The following HEMK2 variants were observed in gnomAD, a reference collection of about 807,000 sequenced individuals.
The protein encoded by HEMK2 is HemK methyltransferase 2, ETF1 glutamine and histone H4 lysine.
At chr21:28,702,532 C>T in the HEMK2 span, among the ~76,000 whole-genome samples, 1 of 152,076 alleles carries the variant, frequency 6.6e-6, no homozygotes, top group Admixed American at 6.6e-5. Flanking sequence ...TGAAGACACA[C>T]ACGCAGCCAA....
At chr21:28,737,601 A>G in the HEMK2 span, among the ~76,000 whole-genome samples, 7 of 152,164 alleles carry the variant, frequency 4.6e-5, no homozygotes, top group Non-Finnish European at 5.9e-5. Flanking sequence ...TTAAAAAAAA[A>G]AAGAAGAAGA....
At chr21:28,789,300 T>A in the HEMK2 span, among the ~76,000 whole-genome samples, 5 of 152,148 alleles carry the variant, frequency 3.3e-5, no homozygotes, top group Non-Finnish European at 7.4e-5. Flanking sequence ...GATGTAAGAT[T>A]GGCTGTGAGG....
At chr21:28,782,828 G>T in the HEMK2 span, among the ~76,000 whole-genome samples, 1 of 152,062 alleles carries the variant, frequency 6.6e-6, no homozygotes, top group African/African-American at 2.4e-5. Context: ...TTAGTGATTT[G>T]TATAGTATTT....
At chr21:28,747,079 G>A in the HEMK2 span, among the ~76,000 whole-genome samples, 1 of 152,230 alleles carries the variant, frequency 6.6e-6, no homozygotes, top group Non-Finnish European at 1.5e-5. Context: ...AATGGAAATG[G>A]ACAGATCTAG....
the HEMK2 span, among the ~76,000 whole-genome samples, chr21:28,597,496 T>C: frequency 6.6e-6 from 1 of 152,252 alleles, no homozygotes; most frequent in African/African-American, 2.4e-5. Flanking sequence ...ATTCTTTTTC[T>C]GGTAGTTTTG....
the HEMK2 span, among the ~76,000 whole-genome samples, chr21:28,852,515 C>T: frequency 8.0e-4 from 122 of 152,276 alleles, no homozygotes; most frequent in African/African-American, 2.7e-3. Flanking sequence ...CCTGAAATGT[C>T]TGATCATTTC....
At chr21:28,689,853 G>A in the HEMK2 span, among the ~76,000 whole-genome samples, 5 of 152,138 alleles carry the variant, frequency 3.3e-5, no homozygotes, top group Non-Finnish European at 5.9e-5. Flanking sequence ...AAGGGACTCC[G>A]TTTACTGCTG....
chr21:28,880,967 AC>A, the HEMK2 span, among the ~76,000 whole-genome samples: 1 of 147,564 alleles, frequency 6.8e-6, no homozygotes, highest in East Asian at 2.0e-4. Context: ...AAAGCTACCT[AC>A]CCTCGTCATT....
chr21:28,755,241 A>G, the HEMK2 span, among the ~76,000 whole-genome samples: 1 of 152,202 alleles, frequency 6.6e-6, no homozygotes, highest in Non-Finnish European at 1.5e-5. Context: ...GAAGGGTATC[A>G]TTTCTGTGAA....
the HEMK2 span, among the ~76,000 whole-genome samples, chr21:28,870,016 C>T: frequency 6.6e-6 from 1 of 152,210 alleles, no homozygotes; most frequent in Non-Finnish European, 1.5e-5. Context: ...CTTACCTCCT[C>T]TCATCCAACC....
At chr21:28,594,744 G>A in the HEMK2 span, among the ~76,000 whole-genome samples, 3 of 152,134 alleles carry the variant, frequency 2.0e-5, no homozygotes, top group African/African-American at 7.2e-5. Context: ...ACAGCACTTA[G>A]TTGTTTTTGT....
At chr21:28,660,304 TA>T in the HEMK2 span, among the ~76,000 whole-genome samples, 12 of 151,834 alleles carry the variant, frequency 7.9e-5, no homozygotes, top group African/African-American at 2.9e-4. Flanking sequence ...CTGGAAATGA[TA>T]AAAAAACTTC....
chr21:28,754,473 TTC>T, the HEMK2 span, among the ~76,000 whole-genome samples: 4 of 152,206 alleles, frequency 2.6e-5, no homozygotes, highest in Non-Finnish European at 4.4e-5. Context: ...CCTAAAAATA[TTC>T]TGTTTTATCA....
chr21:28,771,135 G>T, the HEMK2 span, among the ~76,000 whole-genome samples: 1 of 152,136 alleles, frequency 6.6e-6, no homozygotes, highest in Non-Finnish European at 1.5e-5. Context: ...CATTTTATAG[G>T]CAAGGATATT....
the HEMK2 span, among the ~76,000 whole-genome samples, chr21:28,831,378 A>G: frequency 6.7e-6 from 1 of 149,712 alleles, no homozygotes; most frequent in African/African-American, 2.5e-5. Flanking sequence ...CCTGGGAGGC[A>G]GAGTTGCAGG....
the HEMK2 span, among the ~76,000 whole-genome samples, chr21:28,612,488 A>T: frequency 1.3e-5 from 2 of 152,180 alleles, no homozygotes; most frequent in Non-Finnish European, 2.9e-5. Flanking sequence ...ACTGAATGGG[A>T]AAAAGTTGAA....
At chr21:28,869,492 T>A in the HEMK2 span, among the ~76,000 whole-genome samples, 1 of 152,226 alleles carries the variant, frequency 6.6e-6, no homozygotes, top group African/African-American at 2.4e-5. Flanking sequence ...GGGAAAGAAT[T>A]ATAAGAACCA....
the HEMK2 span, among the ~76,000 whole-genome samples, chr21:28,843,360 A>G: frequency 6.6e-6 from 1 of 152,160 alleles, no homozygotes; most frequent in Non-Finnish European, 1.5e-5. Flanking sequence ...TTGCTATCCT[A>G]GAACAGCATG....
the HEMK2 span, among the ~76,000 whole-genome samples, chr21:28,733,044 C>T: frequency 2.0e-5 from 3 of 152,178 alleles, no homozygotes; most frequent in African/African-American, 7.2e-5. Flanking sequence ...CTTTGGGAGG[C>T]TGAGGCGGGT....
Sources: allele counts gnomAD v4.1 joint callset (sites outside exome capture counted in the v4.1 genomes callset), GRCh38; gene constraint gnomAD v4.1.1; transcripts MANE v1.5; gene names NCBI Gene and HGNC (gene_info 2026-07-23, HGNC 2026-07-21).